NPAS3: variants seen among roughly 807,000 people sequenced by gnomAD.
NPAS3 encodes the protein neuronal PAS domain protein 3.
In NPAS3, 14 loss-of-function variants were observed where a neutral mutation model predicts 73.1. The observed-to-expected ratio is 0.19, with a 90% CI of 0.13 to 0.30. The LOEUF (loss-of-function observed/expected upper bound fraction) is 0.30, where lower values mean the gene tolerates loss of function less well. Ranked by LOEUF, NPAS3 falls within the 10% of genes least tolerant of loss-of-function variation. The pLI is 1.00. For synonymous variants in NPAS3, 620 were observed against 541.5 expected (o/e 1.14, Z -2.01); for missense variants, 1,096 against 1,250.0 (o/e 0.88, Z 1.86).
chr14:32,991,517 G>A lies in NPAS3; in HGVS notation c.50+52151G>A, dbSNP rs548673052. Among the ~76,000 whole-genome samples the A allele has an allele frequency of 4.1e-4, 63 of 152,186 alleles. 2 individuals carry two copies. In the South Asian group the frequency reaches 0.012, roughly 30 times the overall value. On this transcript the variant is annotated intron_variant, in intron 1 of 11. Transcript: ENST00000356141. ...TCATTTATATCCTTGTAATGGCAGT[G>A]GAGATAAAATGTAGGTAGAATTCTT... is the stretch of plus-strand genomic sequence containing the variant.
intron 2 of NPAS3, chr14:33,213,814 A>T (rs1818135795): frequency 1.3e-5 from 2 of 152,226 alleles, no homozygotes; most frequent in Admixed American, 1.3e-4. Flanking sequence ...CCTAGCAAGT[A>T]TCTGACCAGA....
chr14:33,110,469 A>G (rs1432932049), intron 2 of NPAS3, among the ~76,000 whole-genome samples: 2 of 152,230 alleles, frequency 1.3e-5, no homozygotes, highest in Admixed American at 6.5e-5. Context: ...TTTTCACAGT[A>G]GTAGTCTGTG....
At chr14:33,357,581 G>T (rs1193521834) in intron 3 of NPAS3, among the ~76,000 whole-genome samples, 3 of 152,246 alleles carry the variant, frequency 2.0e-5, no homozygotes, top group Non-Finnish European at 4.4e-5. Flanking sequence ...ACCGGCCTCT[G>T]CTTTTCACAA....
rs201354138 is a variant in NPAS3, at chr14:33,708,075, AAGC to A, written c.734-27117_734-27115del. Among the ~76,000 whole-genome samples the A allele has an allele frequency of 9.2e-5, 14 of 151,930 alleles. 1 individual carries two copies. Among genetic ancestry groups the A allele is most frequent in the Admixed American group, 4.6e-4 (7 of 15,280 alleles). ...AGCAGCCACAAAAAAAAACACAAAA[AAGC>A]AGCAGCAGCAGCAGCAGCAGCTGGC... On this transcript the variant is annotated intron_variant, in intron 6 of 11. Transcript: ENST00000356141.
At chr14:33,151,332 T>A (rs986446559) in intron 2 of NPAS3, among the ~76,000 whole-genome samples, 1 of 152,202 alleles carries the variant, frequency 6.6e-6, no homozygotes, top group Admixed American at 6.5e-5. Flanking sequence ...GCATGTGTTA[T>A]TTTAACGTAA....
intron 4 of NPAS3, among the ~76,000 whole-genome samples, chr14:33,445,385 A>G (rs1476161616): frequency 2.0e-5 from 3 of 152,336 alleles, no homozygotes; most frequent in South Asian, 4.1e-4. Context: ...TACTACAGCT[A>G]TTCTCCTGTA....
intron 7 of NPAS3, among the ~76,000 whole-genome samples, chr14:33,768,703 C>A (rs1033250025): frequency 2.6e-5 from 4 of 152,200 alleles, no homozygotes; most frequent in Non-Finnish European, 5.9e-5. Context: ...CCTCACCAAG[C>A]TAGAAGACTT....
At chr14:33,286,963 G>C (rs995802915) in intron 3 of NPAS3, among the ~76,000 whole-genome samples, 2 of 152,084 alleles carry the variant, frequency 1.3e-5, no homozygotes, top group African/African-American at 4.8e-5. Context: ...GAGAATGGTG[G>C]TTATCCCTGG....
In NPAS3 at chr14:33,681,651, C is replaced by G. The variant is rs568665539; in HGVS notation, c.733+5266C>G. 4.5e-4 allele frequency among the ~76,000 whole-genome samples: 69 copies of G among 152,252 alleles called. 1 individual carries two copies. Among genetic ancestry groups the G allele is most frequent in the Middle Eastern group, 3.4e-3 (1 of 294 alleles). ...GCAACTTTCTGGAATTATGTTATCA[C>G]CATTAATCCCATTAATAACTGAGAT... On this transcript the variant is annotated intron_variant, in intron 6 of 11. Coordinates refer to ENST00000356141, the Ensembl canonical transcript of NPAS3.
chr14:33,653,165 A>G (rs2059048187), intron 5 of NPAS3, among the ~76,000 whole-genome samples: 1 of 152,190 alleles, frequency 6.6e-6, no homozygotes, highest in South Asian at 2.1e-4. Flanking sequence ...AGTTGCATAT[A>G]ATTTTTTAAC....
intron 7 of NPAS3, among the ~76,000 whole-genome samples, chr14:33,764,441 A>T (rs1013256663): frequency 6.6e-6 from 1 of 152,188 alleles, no homozygotes; most frequent in Non-Finnish European, 1.5e-5. Flanking sequence ...GAAAATAGAA[A>T]ATATTTACGT....
chr14:33,231,619 T>C (rs2047854100), intron 3 of NPAS3, among the ~76,000 whole-genome samples: 1 of 152,208 alleles, frequency 6.6e-6, no homozygotes, highest in Admixed American at 6.5e-5. Flanking sequence ...GCAATTTTAA[T>C]ATTAATTGGG....
At chr14:33,308,064 TG>T (rs1226187251) in intron 3 of NPAS3, among the ~76,000 whole-genome samples, 1 of 152,174 alleles carries the variant, frequency 6.6e-6, no homozygotes, top group Non-Finnish European at 1.5e-5. Context: ...ATTGGACTGC[TG>T]CCAGTTCCCT....
At chr14:33,741,262 C>T (rs546562789) in intron 7 of NPAS3, among the ~76,000 whole-genome samples, 96 of 152,140 alleles carry the variant, frequency 6.3e-4, no homozygotes, top group Non-Finnish European at 1.2e-3. Flanking sequence ...ATGATGACTA[C>T]GGCATTCCAA....
intron 2 of NPAS3, among the ~76,000 whole-genome samples, chr14:33,092,301 C>G (rs1448112149): frequency 6.6e-6 from 1 of 152,158 alleles, no homozygotes; most frequent in Admixed American, 6.5e-5. Flanking sequence ...GTGCAAAAAT[C>G]ACGAGCATTC....
intron 2 of NPAS3, chr14:33,214,082 C>G (rs552053828): frequency 1.3e-5 from 2 of 152,232 alleles, no homozygotes; most frequent in East Asian, 3.9e-4. Flanking sequence ...ATGCTAGACT[C>G]AAATATTTAC....
chr14:33,301,286 A>T (rs1311689183), intron 3 of NPAS3, among the ~76,000 whole-genome samples: 1 of 138,996 alleles, frequency 7.2e-6, no homozygotes, highest in East Asian at 2.0e-4. Context: ...CCACCTCTAA[A>T]CCCCACCTAG....
At chr14:33,077,115 G>A (rs6571578) in intron 2 of NPAS3, among the ~76,000 whole-genome samples, 5,442 of 152,210 alleles carry the variant, frequency 0.036, 312 homozygotes, top group African/African-American at 0.12. Context: ...GAGGTAGCAG[G>A]CACTAAACAA....
chr14:33,255,538 G>C (rs577309288), intron 3 of NPAS3, among the ~76,000 whole-genome samples: 2 of 152,018 alleles, frequency 1.3e-5, no homozygotes, highest in Admixed American at 1.3e-4. Flanking sequence ...TTTTTTCCAA[G>C]GCTCAATTGC....
Sources: gnomAD v4.1 joint callset for allele counts (sites outside exome capture counted in the v4.1 genomes callset) on GRCh38, gnomAD v4.1.1 for gene constraint, MANE v1.5 for transcripts, NCBI Gene and HGNC (gene_info 2026-07-23, HGNC 2026-07-21) for gene names.